Variants in ARHGAP42 observed in about 807,000 individuals in gnomAD.
ARHGAP42 encodes the protein Rho GTPase activating protein 42.
Under a neutral mutation model 125.0 loss-of-function variants are expected in ARHGAP42, and 63 were observed. That is an observed-to-expected ratio of 0.50 (90% CI 0.41 to 0.62). The LOEUF is 0.62. Among genes scored for constraint, ARHGAP42 ranks in the 20% least tolerant of loss-of-function variants. ARHGAP42 has a pLI of 0.00. For synonymous variants in ARHGAP42, 339 were observed against 351.0 expected (o/e 0.97, Z 0.38); for missense variants, 766 against 1,024.2 (o/e 0.75, Z 3.44).
intron 3 of ARHGAP42, among the ~76,000 whole-genome samples, chr11:100,805,800 C>G (rs1381980869): frequency 6.6e-6 from 1 of 152,010 alleles, no homozygotes; most frequent in Non-Finnish European, 1.5e-5. Flanking sequence ...GGTGGGAGTG[C>G]CTTTTAGCAT....
At chr11:100,725,749 AAC>A (rs1252998023) in intron 1 of ARHGAP42, among the ~76,000 whole-genome samples, 2 of 151,990 alleles carry the variant, frequency 1.3e-5, no homozygotes, top group African/African-American at 2.4e-5. Context: ...CATCCTGGCT[AAC>A]ACAGTGAAAC....
chr11:100,825,649 A>G (rs1248159411), intron 3 of ARHGAP42, among the ~76,000 whole-genome samples: 2 of 152,140 alleles, frequency 1.3e-5, no homozygotes, highest in African/African-American at 2.4e-5. Flanking sequence ...AGTTTTCTGC[A>G]TGGATGAGAT....
intron 1 of ARHGAP42, among the ~76,000 whole-genome samples, chr11:100,769,438 GC>G (rs1336919172): frequency 6.6e-6 from 1 of 152,090 alleles, no homozygotes; most frequent in Non-Finnish European, 1.5e-5. Flanking sequence ...TTCTTTTTCA[GC>G]CCATAAATAA....
intron 7 of ARHGAP42, among the ~76,000 whole-genome samples, chr11:100,933,628 G>A (rs997191531): frequency 2.0e-5 from 3 of 151,940 alleles, no homozygotes; most frequent in Non-Finnish European, 4.4e-5. Context: ...TGGTAACTGT[G>A]GTGATTGATA....
chr11:100,889,846 C>T (rs1742753573), intron 4 of ARHGAP42, among the ~76,000 whole-genome samples: 1 of 152,130 alleles, frequency 6.6e-6, no homozygotes, highest in African/African-American at 2.4e-5. Context: ...CTTAACTTAA[C>T]TCTTGACCCA....
chr11:100,753,801 C>G (rs771000404), intron 1 of ARHGAP42, among the ~76,000 whole-genome samples: 2 of 152,174 alleles, frequency 1.3e-5, no homozygotes, highest in African/African-American at 4.8e-5. Context: ...CCAGCTTTCC[C>G]GGTGGTAATG....
At chr11:100,745,085 A>G (rs1862271059) in intron 1 of ARHGAP42, among the ~76,000 whole-genome samples, 1 of 151,532 alleles carries the variant, frequency 6.6e-6, no homozygotes, top group Admixed American at 6.6e-5. Flanking sequence ...AGAAATCGGA[A>G]TGAGTCAGGG....
At chr11:100,923,192 A>G (rs1051234554) in intron 6 of ARHGAP42, among the ~76,000 whole-genome samples, 2 of 152,028 alleles carry the variant, frequency 1.3e-5, no homozygotes, top group African/African-American at 2.4e-5. Flanking sequence ...CCAGAATCCC[A>G]CCATGGTTTT....
At chr11:100,847,420 G>A (rs1865097625) in intron 3 of ARHGAP42, among the ~76,000 whole-genome samples, 1 of 152,078 alleles carries the variant, frequency 6.6e-6, no homozygotes, top group Non-Finnish European at 1.5e-5. Context: ...CAGCAAAAAA[G>A]GTTTTTAGGA....
At chr11:100,870,927 G>A (rs1400869638) in intron 4 of ARHGAP42, among the ~76,000 whole-genome samples, 2 of 146,648 alleles carry the variant, frequency 1.4e-5, no homozygotes, top group East Asian at 2.0e-4. Flanking sequence ...TATTATCAGA[G>A]TGATCCAAGA....
At chr11:100,986,213 T>C (rs1028056331) in intron 22 of ARHGAP42, 3 of 405,616 alleles carry the variant, frequency 7.4e-6, no homozygotes, top group South Asian at 5.5e-5. Flanking sequence ...AGCAGGAAGA[T>C]ATGATAGTTC....
In ARHGAP42 at chr11:100,806,138, C is replaced by T. The variant is rs187867761; in HGVS notation, c.312+10972C>T. Reference sequence around the variant, plus strand: ...TTTATCCATCAATCCTTTGACAGTTCCCACATTAAATTTTTGACATGTAAG... The same window carrying T: ...TTTATCCATCAATCCTTTGACAGTTTCCACATTAAATTTTTGACATGTAAG... On this transcript the variant is annotated intron_variant, in intron 3 of 23. Transcript: ENST00000298815. 9.1e-3 allele frequency among the ~76,000 whole-genome samples: 1,384 copies of T among 152,240 alleles called. 10 individuals are homozygous for T. The highest frequency in any genetic ancestry group is 0.014 in the Middle Eastern group (4 of 294).
chr11:100,918,369 T>G (rs1183167839), intron 5 of ARHGAP42, among the ~76,000 whole-genome samples: 1 of 152,240 alleles, frequency 6.6e-6, no homozygotes, highest in East Asian at 1.9e-4. Context: ...TGAATTGAGA[T>G]AGCATTACAA....
chr11:100,929,510 C>A (rs1397295732), intron 6 of ARHGAP42, among the ~76,000 whole-genome samples: 1 of 152,068 alleles, frequency 6.6e-6, no homozygotes, highest in South Asian at 2.1e-4. Flanking sequence ...ATATCTGCAC[C>A]CCTTGACACT....
chr11:100,902,768 T>A (rs191214994), intron 4 of ARHGAP42, among the ~76,000 whole-genome samples: 191 of 152,114 alleles, frequency 1.3e-3, no homozygotes, highest in African/African-American at 4.5e-3. Flanking sequence ...TTCCATCACG[T>A]CTAGACAATG....
chr11:100,788,848 G>A (rs1863495294), intron 2 of ARHGAP42, among the ~76,000 whole-genome samples: 1 of 152,030 alleles, frequency 6.6e-6, no homozygotes. Context: ...ATTTACCATT[G>A]GATACAGCAG....
chr11:100,712,554 A>C (rs1258594767), intron 1 of ARHGAP42, among the ~76,000 whole-genome samples: 1 of 152,152 alleles, frequency 6.6e-6, no homozygotes, highest in Non-Finnish European at 1.5e-5. Flanking sequence ...GGATAAGGGA[A>C]GTTAATGAGA....
At chr11:100,888,311 A>G (rs1234897527) in intron 4 of ARHGAP42, among the ~76,000 whole-genome samples, 2 of 152,098 alleles carry the variant, frequency 1.3e-5, no homozygotes, top group African/African-American at 4.8e-5. Flanking sequence ...CTACTTGTCA[A>G]TGAGTGATAG....
At chr11:100,748,764 A>T (rs979081483) in intron 1 of ARHGAP42, among the ~76,000 whole-genome samples, 3 of 141,886 alleles carry the variant, frequency 2.1e-5, no homozygotes, top group South Asian at 2.1e-4. Context: ...CAGTGGCCTC[A>T]GTGCTTTTGG....
Sources: gnomAD v4.1 joint callset for allele counts (sites outside exome capture counted in the v4.1 genomes callset) on GRCh38, gnomAD v4.1.1 for gene constraint, MANE v1.5 for transcripts, NCBI Gene and HGNC (gene_info 2026-07-23, HGNC 2026-07-21) for gene names.